Variants in JMJD1C observed in about 807,000 individuals in gnomAD.
The protein encoded by JMJD1C is jumonji domain containing 1C.
Under a neutral mutation model 245.3 loss-of-function variants are expected in JMJD1C, and 31 were observed. The ratio of observed to expected loss-of-function variants is 0.13; its 90% CI spans 0.09 to 0.17. The LOEUF is 0.17. Ranked by LOEUF, JMJD1C falls within the 10% of genes least tolerant of loss-of-function variation. The probability of loss-of-function intolerance (pLI) is 1.00; values close to 1 mark genes in which losing one functional copy is unlikely to be tolerated. For synonymous variants in JMJD1C, 1,057 were observed against 1,017.4 expected (o/e 1.04, Z -0.74); for missense variants, 2,691 against 3,000.2 (o/e 0.90, Z 2.41).
chr10:63,387,629 A>AATTTTTT (rs1554915199), intron 1 of JMJD1C, among the ~76,000 whole-genome samples: 1,552 of 38,094 alleles, frequency 0.041, 215 homozygotes, highest in Non-Finnish European at 0.055. Context: ...GAAAAAAAAA[A>AATTTTTT]TTTTTTTTTT....
chr10:63,358,695 G>C (rs974056009), intron 2 of JMJD1C: 5 of 152,124 alleles, frequency 3.3e-5, no homozygotes, highest in Non-Finnish European at 5.9e-5. Flanking sequence ...TGAACATATG[G>C]CAGTAGAAGA....
chr10:63,500,182 G>A (rs1954500922), intron 1 of JMJD1C, among the ~76,000 whole-genome samples: 1 of 152,230 alleles, frequency 6.6e-6, no homozygotes, highest in Non-Finnish European at 1.5e-5. Context: ...AGCACTGTGG[G>A]AGGCCGAGGC....
intron 3 of JMJD1C, among the ~76,000 whole-genome samples, chr10:63,257,943 A>G (rs1854184599): frequency 6.6e-6 from 1 of 152,254 alleles, no homozygotes; most frequent in South Asian, 2.1e-4. Flanking sequence ...AAAAATGCTA[A>G]GAGTTCTAGG....
chr10:63,414,224 G>C (rs1429418604), intron 1 of JMJD1C, among the ~76,000 whole-genome samples: 1 of 152,028 alleles, frequency 6.6e-6, no homozygotes, highest in Non-Finnish European at 1.5e-5. Context: ...CTGACCTCGT[G>C]ATCTGCCTGC....
chr10:63,349,100 CAAAAAAAAA>C (rs71463516), intron 2 of JMJD1C, among the ~76,000 whole-genome samples: 53 of 34,866 alleles, frequency 1.5e-3, no homozygotes, highest in South Asian at 9.8e-3. Flanking sequence ...GACTCTGTCT[CAAAAAAAAA>C]AAAAAAAAAA....
In JMJD1C at chr10:63,295,950, T is replaced by TATATATAC. The variant is rs1554877081; in HGVS notation, c.334-31187_334-31186insGTATATAT. Among the ~76,000 whole-genome samples the TATATATAC allele has an allele frequency of 1.7e-4, 22 of 127,374 alleles. 1 individual carries two copies. Among genetic ancestry groups the TATATATAC allele is most frequent in the Non-Finnish European group, 3.5e-4 (21 of 60,774 alleles). The allele number at this position is 127,374 out of a possible 152,430, so 83.6% of individuals were successfully genotyped here. On this transcript the variant is annotated intron_variant, in intron 2 of 25. Transcript: ENST00000399262. ...GTACATGTGTATACATATATATATA[T>TATATATAC]ACACGTATATGTGTGTGTGTGTGTG...
intron 1 of JMJD1C, among the ~76,000 whole-genome samples, chr10:63,448,506 T>A (rs1377385245): frequency 3.9e-5 from 6 of 152,218 alleles, no homozygotes; most frequent in Non-Finnish European, 5.9e-5. Context: ...ATTCAGAGTA[T>A]AACCATTTGT....
At chr10:63,203,317 G>C (rs1009224866) in intron 10 of JMJD1C, 1 of 983,026 alleles carries the variant, frequency 1.0e-6, no homozygotes, top group Non-Finnish European at 1.2e-6. Flanking sequence ...AAGACACTTA[G>C]TCAACAAAAA....
chr10:63,222,532 T>C lies in JMJD1C; in HGVS notation c.448-2549A>G, dbSNP rs532195606. The C allele has an allele frequency of 5.4e-5, 77 of 1,414,406 alleles. 1 individual carries two copies. The Admixed American group carries it at 8.1e-4, about 15-fold the overall frequency. 87.6% of individuals were successfully genotyped at this position (1,414,406 alleles called of 1,614,324 possible). Reference sequence around the variant, plus strand: ...ACTGACTGCACTTTTGTCCCAAAGATACTCAACTCAAATACTGTGAAAAAC... The same window carrying C: ...ACTGACTGCACTTTTGTCCCAAAGACACTCAACTCAAATACTGTGAAAAAC... On this transcript the variant is annotated intron_variant, in intron 3 of 25. Coordinates refer to ENST00000399262, the MANE Select transcript of JMJD1C (RefSeq NM_032776.3).
At chr10:63,511,197 C>T (rs1954861389) in intron 1 of JMJD1C, among the ~76,000 whole-genome samples, 1 of 152,140 alleles carries the variant, frequency 6.6e-6, no homozygotes, top group Non-Finnish European at 1.5e-5. Flanking sequence ...TAGTATCTAT[C>T]ATATTTATTA....
chr10:63,189,835 C>CA lies in JMJD1C; in HGVS notation c.6292-390dup, dbSNP rs560460736. Among the ~76,000 whole-genome samples the CA allele has an allele frequency of 1.7e-3, 252 of 152,076 alleles. 2 individuals carry two copies. The highest frequency in any genetic ancestry group is 5.9e-3 in the African/African-American group (246 of 41,476). ...AAGCAATCCTCCCACCTCAGCCTCC[C>CA]AAAGTGCTAGGATTACAGGCATGAT... is the stretch of plus-strand genomic sequence containing the variant. On this transcript the variant is annotated intron_variant, in intron 17 of 25. Transcript: ENST00000399262.
At position 63,193,084 on chromosome 10, in the gene JMJD1C, T is replaced by C. The variant is rs1004778606; in HGVS notation, c.5930A>G (p.Asn1977Ser). 12 of 1,614,154 alleles carry C rather than the reference T, an allele frequency of 7.4e-6. No individual in the cohort carries two copies. The Admixed American group carries it at 1.5e-4, about 20-fold the overall frequency. Residue 1977 changes from asparagine to serine, a missense_variant, in exon 16 of 26, where the codon AAT becomes AGT. By Grantham distance (46) the Asn-to-Ser change is conservative. Around this residue, in one of 9 missense-constraint regions of JMJD1C, gnomAD observed 275 missense variants for 285.5 expected, o/e 0.96. Transcript: ENST00000399262. ...ATTTTTCTCAGACTTCGGAGGAGTA[T>C]TTTGCTGCTGAGACTCAGGCATGCA... ...SLCMPESQQQ[N>S]TPPKSEKNGG...
intron 10 of JMJD1C, among the ~76,000 whole-genome samples, 171 bp from the exon 11 acceptor site, chr10:63,200,848 C>T (rs547796618): frequency 2.6e-5 from 4 of 152,300 alleles, no homozygotes; most frequent in Admixed American, 2.0e-4. Flanking sequence ...AGTGCAGCAG[C>T]GTTTCTATTT....
chr10:63,387,000 C>A (rs1947658499), intron 1 of JMJD1C, among the ~76,000 whole-genome samples: 1 of 152,112 alleles, frequency 6.6e-6, no homozygotes, highest in Non-Finnish European at 1.5e-5. Flanking sequence ...AAAATGTCAC[C>A]ACAGCTTCCA....
At chr10:63,349,192 A>C (rs1944125495) in intron 2 of JMJD1C, among the ~76,000 whole-genome samples, 1 of 149,704 alleles carries the variant, frequency 6.7e-6, no homozygotes, top group African/African-American at 2.5e-5. Context: ...AGCTCCCCAA[A>C]GCCCTCACCA....
chr10:63,224,094 GATC>G (rs926141095), intron 3 of JMJD1C, among the ~76,000 whole-genome samples: 2 of 152,000 alleles, frequency 1.3e-5, no homozygotes, highest in Non-Finnish European at 2.9e-5. Flanking sequence ...CTATTTCCAA[GATC>G]ATTAAACAAT....
chr10:63,348,307 T>C (rs1944033927), intron 2 of JMJD1C, among the ~76,000 whole-genome samples: 1 of 152,108 alleles, frequency 6.6e-6, no homozygotes, highest in African/African-American at 2.4e-5. Context: ...GAGTCAACTC[T>C]GAGAATTGAT....
intron 1 of JMJD1C, among the ~76,000 whole-genome samples, chr10:63,478,342 T>G (rs995449519): frequency 6.6e-6 from 1 of 152,232 alleles, no homozygotes; most frequent in Non-Finnish European, 1.5e-5. Flanking sequence ...CAAATGTACA[T>G]AGCCGCTTTA....
intron 2 of JMJD1C, among the ~76,000 whole-genome samples, chr10:63,271,158 T>G (rs1257672011): frequency 6.6e-6 from 1 of 152,132 alleles, no homozygotes; most frequent in African/African-American, 2.4e-5. Context: ...AAAAGATGTA[T>G]GTAAATAGTC....
Sources: allele counts gnomAD v4.1 joint callset (sites outside exome capture counted in the v4.1 genomes callset), GRCh38; gene constraint gnomAD v4.1.1; regional missense constraint gnomAD v4.1.1; transcripts MANE v1.5; gene names NCBI Gene and HGNC (gene_info 2026-07-23, HGNC 2026-07-21).